IQCM: variants seen among roughly 807,000 people sequenced by gnomAD.
IQCM encodes the protein IQ motif containing M, also known as IQ domain-containing protein M.
IQCM carries 45 observed loss-of-function variants against 57.6 expected under a neutral mutation model. The ratio of observed to expected loss-of-function variants is 0.78; its 90% CI spans 0.62 to 1.00. The LOEUF (loss-of-function observed/expected upper bound fraction) is 1.00, where lower values mean the gene tolerates loss of function less well. Among genes scored for constraint, IQCM ranks in the 50% least tolerant of loss-of-function variants. The probability of loss-of-function intolerance (pLI) is 0.00; values close to 1 mark genes in which losing one functional copy is unlikely to be tolerated. For synonymous variants in IQCM, 148 were observed against 158.9 expected (o/e 0.93, Z 0.51); for missense variants, 468 against 511.6 (o/e 0.91, Z 0.82).
intron 13 of IQCM, among the ~76,000 whole-genome samples, chr4:149,356,256 C>T (rs1471421918): frequency 2.0e-5 from 3 of 152,148 alleles, no homozygotes; most frequent in African/African-American, 7.2e-5. Context: ...TAATTAGATC[C>T]CATTTGTCAA....
chr4:149,387,142 G>C (rs181813823), intron 13 of IQCM, among the ~76,000 whole-genome samples: 2 of 152,008 alleles, frequency 1.3e-5, no homozygotes, highest in Non-Finnish European at 2.9e-5. Flanking sequence ...CAAGATCAAG[G>C]TATTAGCAGA....
intron 5 of IQCM, among the ~76,000 whole-genome samples, chr4:149,713,115 A>G (rs1443435840): frequency 6.6e-6 from 1 of 152,198 alleles, no homozygotes; most frequent in Non-Finnish European, 1.5e-5. Context: ...TACTTGAAAC[A>G]ACACTGCTGC....
intron 5 of IQCM, among the ~76,000 whole-genome samples, chr4:149,688,698 A>T (rs1025350948): frequency 3.3e-5 from 5 of 152,128 alleles, no homozygotes; most frequent in Non-Finnish European, 7.4e-5. Flanking sequence ...ACCTGATTTC[A>T]AACTATACTA....
intron 13 of IQCM, among the ~76,000 whole-genome samples, chr4:149,376,670 T>C (rs1196811858): frequency 6.6e-6 from 1 of 152,162 alleles, no homozygotes; most frequent in Admixed American, 6.6e-5. Flanking sequence ...TTTATGACTC[T>C]AACATGAAAC....
chr4:149,569,563 T>C (rs1387562062), intron 9 of IQCM, among the ~76,000 whole-genome samples: 4 of 152,276 alleles, frequency 2.6e-5, no homozygotes, highest in East Asian at 1.9e-4. Flanking sequence ...TAGCAGGTAG[T>C]TTCTGCCCAA....
intron 12 of IQCM, among the ~76,000 whole-genome samples, chr4:149,484,236 T>C (rs143246338): frequency 2.0e-5 from 3 of 152,042 alleles, no homozygotes; most frequent in East Asian, 3.9e-4. Context: ...GATCATTGAG[T>C]CTTGTTTTTT....
At chr4:149,797,417 G>C (rs1187508644) in intron 2 of IQCM, among the ~76,000 whole-genome samples, 1 of 152,006 alleles carries the variant, frequency 6.6e-6, no homozygotes, top group African/African-American at 2.4e-5. Context: ...ATGCCTACAG[G>C]ATCTAGAAAA....
chr4:149,503,759 G>A (rs1743506087), intron 12 of IQCM, among the ~76,000 whole-genome samples: 1 of 151,814 alleles, frequency 6.6e-6, no homozygotes, highest in Non-Finnish European at 1.5e-5. Context: ...AAATGTTAAG[G>A]ACTTGCAAAA....
intron 8 of IQCM, among the ~76,000 whole-genome samples, chr4:149,617,018 T>C (rs928412547): frequency 1.3e-5 from 2 of 151,270 alleles, no homozygotes; most frequent in Non-Finnish European, 2.9e-5. Context: ...AGTACAATGG[T>C]GCAATCTCAG....
chr4:149,801,432 T>A lies in IQCM; in HGVS notation c.-49+13879A>T, dbSNP rs140264271. ...AGGAGATCCGTATATCAAAGAGATATCTGCACTCCCATGTTTGTTGCAGCT... is the reference window on the plus strand; with the variant it reads ...AGGAGATCCGTATATCAAAGAGATAACTGCACTCCCATGTTTGTTGCAGCT... On this transcript the variant is annotated intron_variant, in intron 2 of 13. Transcript: ENST00000636793. Among the ~76,000 whole-genome samples, 651 of 152,094 alleles carry A rather than the reference T, an allele frequency of 4.3e-3. 6 individuals carry two copies. Among genetic ancestry groups the A allele is most frequent in the African/African-American group, 0.015 (619 of 41,548 alleles).
At chr4:149,557,761 A>T (rs1401180370) in intron 10 of IQCM, among the ~76,000 whole-genome samples, 1 of 152,242 alleles carries the variant, frequency 6.6e-6, no homozygotes, top group Non-Finnish European at 1.5e-5. Context: ...AATCTTGTCA[A>T]GTAAATTAGA....
At chr4:149,591,387 A>C (rs1753148370) in intron 8 of IQCM, among the ~76,000 whole-genome samples, 1 of 152,072 alleles carries the variant, frequency 6.6e-6, no homozygotes, top group African/African-American at 2.4e-5. Context: ...ATTAGCATAA[A>C]ATTATAAAAT....
chr4:149,378,428 T>C (rs1339465462), intron 13 of IQCM, among the ~76,000 whole-genome samples: 1 of 152,090 alleles, frequency 6.6e-6, no homozygotes, highest in Non-Finnish European at 1.5e-5. Context: ...ATATGGACAA[T>C]GAAATCTAGG....
chr4:149,556,384 G>A (rs1007904713), intron 10 of IQCM, among the ~76,000 whole-genome samples: 1 of 151,084 alleles, frequency 6.6e-6, no homozygotes, highest in African/African-American at 2.4e-5. Context: ...ATTTCTGTTA[G>A]TGTGTTTCTT....
chr4:149,543,520 C>A (rs1288373347), intron 12 of IQCM, among the ~76,000 whole-genome samples: 1 of 138,320 alleles, frequency 7.2e-6, no homozygotes, highest in East Asian at 2.2e-4. Context: ...CATCCATGTC[C>A]CTACAAAGGA....
At chr4:149,643,956 T>C (rs1005107215) in intron 7 of IQCM, among the ~76,000 whole-genome samples, 2 of 152,200 alleles carry the variant, frequency 1.3e-5, no homozygotes, top group African/African-American at 4.8e-5. Context: ...TCACATTTAA[T>C]GGACTTTTTA....
At chr4:149,551,788 A>T (rs989249213) in intron 11 of IQCM, among the ~76,000 whole-genome samples, 1 of 152,164 alleles carries the variant, frequency 6.6e-6, no homozygotes, top group African/African-American at 2.4e-5. Flanking sequence ...AAAAGTCTTA[A>T]AATCTGACTC....
intron 13 of IQCM, among the ~76,000 whole-genome samples, chr4:149,426,817 GTACCTGCTA>G (rs1044697812): frequency 6.6e-6 from 1 of 151,878 alleles, no homozygotes; most frequent in Non-Finnish European, 1.5e-5. Context: ...CAAAAATGAA[GTACCTGCTA>G]TATTCTATTG....
intron 7 of IQCM, among the ~76,000 whole-genome samples, chr4:149,655,954 A>G (rs973833984): frequency 6.6e-6 from 1 of 152,214 alleles, no homozygotes; most frequent in African/African-American, 2.4e-5. Flanking sequence ...CAAAATTGTC[A>G]TAAATACACA....
Sources: gnomAD v4.1 joint callset for allele counts (sites outside exome capture counted in the v4.1 genomes callset) on GRCh38, gnomAD v4.1.1 for gene constraint, MANE v1.5 for transcripts, NCBI Gene and HGNC (gene_info 2026-07-23, HGNC 2026-07-21) for gene names.